Variants in CMSS1 observed in about 807,000 individuals in gnomAD.
CMSS1 encodes cms1 ribosomal small subunit homolog.
In CMSS1, 33 loss-of-function variants were observed where a neutral mutation model predicts 43.5. That is an observed-to-expected ratio of 0.76 (90% CI 0.57 to 1.01). The LOEUF (loss-of-function observed/expected upper bound fraction) is 1.01. CMSS1 is among the 50% of genes least tolerant of loss of function. CMSS1 has a pLI of 0.00. For missense variants in CMSS1, 313 were observed against 326.4 expected, an observed-to-expected ratio of 0.96 and a Z score of 0.32; for synonymous variants, 115 against 117.2, an observed-to-expected ratio of 0.98 and a Z score of 0.12.
chr3:99,876,264 G>A (rs148342168), intron 1 of CMSS1: 68,982 of 974,026 alleles, frequency 0.071, 2,699 homozygotes, highest in South Asian at 0.13. Context: ...GTCGGCGGGG[G>A]CGCCGGTGAC....
intron 1 of CMSS1, among the ~76,000 whole-genome samples, chr3:100,139,465 T>C (rs1032048871): frequency 1.3e-5 from 2 of 149,722 alleles, no homozygotes; most frequent in African/African-American, 2.5e-5. Context: ...GTGGATAACC[T>C]GAGGTCAGGA....
chr3:100,086,589 G>A (rs1278498408), intron 1 of CMSS1, among the ~76,000 whole-genome samples: 1 of 152,102 alleles, frequency 6.6e-6, no homozygotes, highest in African/African-American at 2.4e-5. Flanking sequence ...TTACCCACCA[G>A]GCTAACGTCC....
At chr3:99,955,804 C>T (rs1042103697) in intron 1 of CMSS1, among the ~76,000 whole-genome samples, 6 of 152,164 alleles carry the variant, frequency 3.9e-5, no homozygotes, top group African/African-American at 1.4e-4. Context: ...GATGGAATTT[C>T]GAATGGCCTG....
intron 1 of CMSS1, among the ~76,000 whole-genome samples, chr3:100,139,321 A>G (rs1359957092): frequency 6.6e-6 from 1 of 152,056 alleles, no homozygotes; most frequent in Non-Finnish European, 1.5e-5. Flanking sequence ...AAGTAAAACA[A>G]AATAAAATGA....
intron 1 of CMSS1, among the ~76,000 whole-genome samples, chr3:100,062,613 A>C (rs1278286440): frequency 6.6e-6 from 1 of 152,228 alleles, no homozygotes; most frequent in Non-Finnish European, 1.5e-5. Context: ...TTAGAGCTAC[A>C]TCACCTCTGC....
chr3:100,017,565 A>G (rs1235207622), intron 1 of CMSS1, among the ~76,000 whole-genome samples: 5 of 152,198 alleles, frequency 3.3e-5, no homozygotes, highest in Non-Finnish European at 5.9e-5. Flanking sequence ...TGTCAGCAAC[A>G]TGTATCCTGA....
At chr3:99,988,664 T>A (rs1576623855) in intron 1 of CMSS1, among the ~76,000 whole-genome samples, 1 of 152,192 alleles carries the variant, frequency 6.6e-6, no homozygotes, top group South Asian at 2.1e-4. Context: ...TGACTGGTAG[T>A]TAGATGATGC....
intron 1 of CMSS1, among the ~76,000 whole-genome samples, chr3:99,889,209 T>C (rs1449308939): frequency 6.6e-6 from 1 of 152,164 alleles, no homozygotes; most frequent in Non-Finnish European, 1.5e-5. Context: ...TGTGCTGTAC[T>C]CTCCCACTGT....
chr3:99,945,739 G>A (rs1336170326), intron 1 of CMSS1, among the ~76,000 whole-genome samples: 1 of 152,218 alleles, frequency 6.6e-6, no homozygotes, highest in Non-Finnish European at 1.5e-5. Context: ...TTTGCTAGGG[G>A]TTGGGGGCTG....
At chr3:100,092,864 ACT>A (rs1368866288) in intron 1 of CMSS1, among the ~76,000 whole-genome samples, 3 of 151,508 alleles carry the variant, frequency 2.0e-5, no homozygotes, top group Non-Finnish European at 4.4e-5. Flanking sequence ...CACAAGACAA[ACT>A]CATTCCAGGA....
At chr3:99,987,933 A>C (rs1709393626) in intron 1 of CMSS1, among the ~76,000 whole-genome samples, 2 of 152,298 alleles carry the variant, frequency 1.3e-5, no homozygotes, top group South Asian at 4.1e-4. Flanking sequence ...GGATTCTTGA[A>C]AGATGTTGAG....
At chr3:99,898,435 C>T (rs2107622999) in intron 1 of CMSS1, 1 of 152,216 alleles carries the variant, frequency 6.6e-6, no homozygotes, top group Admixed American at 6.5e-5. Flanking sequence ...GACAAATTTC[C>T]ATCTGGAATT....
At chr3:100,060,687 T>TC (rs1312274377) in intron 1 of CMSS1, among the ~76,000 whole-genome samples, 1 of 151,794 alleles carries the variant, frequency 6.6e-6, no homozygotes, top group Non-Finnish European at 1.5e-5. Context: ...AAACCCCATC[T>TC]CCACAAAAAA....
At chr3:100,037,255 G>C (rs1053258482) in intron 1 of CMSS1, among the ~76,000 whole-genome samples, 2 of 152,112 alleles carry the variant, frequency 1.3e-5, no homozygotes, top group Non-Finnish European at 2.9e-5. Context: ...AAAGGGACAT[G>C]ATGTCTGCAA....
At chr3:100,071,183 C>CAATTTATG (rs1201459990) in intron 1 of CMSS1, among the ~76,000 whole-genome samples, 3 of 137,304 alleles carry the variant, frequency 2.2e-5, no homozygotes, top group African/African-American at 8.3e-5. Context: ...ATATCACTGT[C>CAATTTATG]AATTTATGCT....
In CMSS1 at chr3:99,966,262, A is replaced by C. The variant is rs971415061; in HGVS notation, c.64+148219A>C. On this transcript the variant is annotated intron_variant, in intron 1 of 9. Transcript: ENST00000421999. Reference sequence around the variant, plus strand: ...GGGCATGGGAGCTTGTCATGGCTGGAAGTTGAAATGGTCAACTCCAGGCAG... The same window carrying C: ...GGGCATGGGAGCTTGTCATGGCTGGCAGTTGAAATGGTCAACTCCAGGCAG... Among the ~76,000 whole-genome samples the C allele has an allele frequency of 2.6e-5, 4 of 152,136 alleles. No individual in the cohort carries two copies. In the East Asian group the frequency reaches 7.7e-4, roughly 29 times the overall value.
rs1334796754 is a variant in CMSS1, at chr3:100,117,842, TATATATATATAC to T, written c.65-29119_65-29108del. Among the ~76,000 whole-genome samples, 81 of 98,620 alleles carry T rather than the reference TATATATATATAC, an allele frequency of 8.2e-4. 2 individuals are homozygous for T. The highest frequency in any genetic ancestry group is 4.4e-3 in the Middle Eastern group (1 of 228). 64.7% of individuals were successfully genotyped at this position (98,620 alleles called of 152,430 possible). A position where few individuals can be genotyped will look rare whatever the true frequency, so the allele number is the denominator to read the frequency against. The stretch of plus-strand genomic sequence containing the variant: ...AAACTGCAGTATATATATATATATA[TATATATATATAC>T]ATATATATATATATATATATATATA... On this transcript the variant is annotated intron_variant, in intron 1 of 9. Coordinates refer to ENST00000421999, the MANE Select transcript of CMSS1 (RefSeq NM_032359.4).
chr3:99,848,243 A>G (rs1943458712), intron 1 of CMSS1: 1 of 1,595,284 alleles, frequency 6.3e-7, no homozygotes, highest in African/African-American at 1.3e-5. Flanking sequence ...TTGCAAAAAT[A>G]TCAGTATGGA....
intron 1 of CMSS1, among the ~76,000 whole-genome samples, chr3:99,981,572 A>G (rs1363008446): frequency 1.3e-5 from 2 of 152,188 alleles, no homozygotes; most frequent in African/African-American, 4.8e-5. Flanking sequence ...ATATACCTAT[A>G]TACTAAATAT....
Sources: gnomAD v4.1 joint callset for allele counts (sites outside exome capture counted in the v4.1 genomes callset) on GRCh38, gnomAD v4.1.1 for gene constraint, MANE v1.5 for transcripts, NCBI Gene and HGNC (gene_info 2026-07-23, HGNC 2026-07-21) for gene names.